The following ROCK1 variants were observed in gnomAD, a reference collection of about 807,000 sequenced individuals.
The protein encoded by ROCK1 is Rho associated coiled-coil containing protein kinase 1, also known as rho-associated protein kinase 1.
In ROCK1, 36 loss-of-function variants were observed where a neutral mutation model predicts 196.8. That is an observed-to-expected ratio of 0.18 (90% CI 0.14 to 0.24). The LOEUF is 0.24. Among genes scored for constraint, ROCK1 ranks in the 10% least tolerant of loss-of-function variants. The pLI is 1.00. For missense variants in ROCK1, 920 were observed against 1,562.0 expected (o/e 0.59, Z 6.93); for synonymous variants, 443 against 515.9 (o/e 0.86, Z 1.91).
At chr18:21,087,753 A>T (rs1457230716) in intron 1 of ROCK1, among the ~76,000 whole-genome samples, 2 of 152,238 alleles carry the variant, frequency 1.3e-5, no homozygotes, top group Admixed American at 1.3e-4. Flanking sequence ...TTCTCTCTTA[A>T]AAATTGATAG....
intron 1 of ROCK1, among the ~76,000 whole-genome samples, chr18:21,074,806 T>A (rs2036415355): frequency 6.6e-6 from 1 of 152,170 alleles, no homozygotes; most frequent in Non-Finnish European, 1.5e-5. Context: ...ATACAGGATA[T>A]CAAGTGTTAT....
intron 2 of ROCK1, among the ~76,000 whole-genome samples, chr18:21,057,125 G>A (rs904921903): frequency 1.3e-5 from 2 of 152,148 alleles, no homozygotes; most frequent in African/African-American, 4.8e-5. Context: ...TCACAAATCT[G>A]GTAAGTCTTC....
rs2036703708 is a variant in ROCK1, at chr18:21,106,395, T to C, written c.93+4423A>G. Among the ~76,000 whole-genome samples the C allele has an allele frequency of 3.9e-5, 6 of 152,188 alleles. No individual in the cohort carries two copies. In the South Asian group the frequency reaches 1.2e-3, roughly 32 times the overall value. ...TCGGCTCACTGCAACCTCCCCGTCC[T>C]AGGCTCAAGCAATTCTCTGGCCTCA... On this transcript the variant is annotated intron_variant, in intron 1 of 32. Coordinates refer to ENST00000399799, the MANE Select transcript of ROCK1 (RefSeq NM_005406.3).
intron 13 of ROCK1, among the ~76,000 whole-genome samples, chr18:21,013,184 C>T (rs1241322552): frequency 6.6e-6 from 1 of 152,154 alleles, no homozygotes; most frequent in Admixed American, 6.5e-5. Flanking sequence ...GCTATTCAAA[C>T]CTGGACATCA....
intron 27 of ROCK1, among the ~76,000 whole-genome samples, chr18:20,961,951 T>G (rs1411461089): frequency 6.6e-6 from 1 of 151,756 alleles, no homozygotes; most frequent in Non-Finnish European, 1.5e-5. Context: ...ATTTAGTTCA[T>G]GAAGTAATTA....
intron 13 of ROCK1, among the ~76,000 whole-genome samples, 188 bp from the exon 14 acceptor site, chr18:21,008,382 C>T (rs1353457657): frequency 6.6e-6 from 1 of 152,140 alleles, no homozygotes; most frequent in African/African-American, 2.4e-5. Flanking sequence ...TTTAAGAAGA[C>T]AGTGGGAATC....
At chr18:21,098,751 G>A (rs184976988) in intron 1 of ROCK1, among the ~76,000 whole-genome samples, 9 of 151,714 alleles carry the variant, frequency 5.9e-5, no homozygotes, top group East Asian at 1.9e-4. Flanking sequence ...AAATATGGAC[G>A]GGCAGATCAC....
chr18:21,103,244 A>G (rs368503551), intron 1 of ROCK1, among the ~76,000 whole-genome samples: 8 of 152,194 alleles, frequency 5.3e-5, no homozygotes, highest in African/African-American at 1.9e-4. Context: ...CACAAATTCA[A>G]AAAATAATGG....
At chr18:21,065,947 G>C (rs1407907001) in intron 2 of ROCK1, among the ~76,000 whole-genome samples, 1 of 151,952 alleles carries the variant, frequency 6.6e-6, no homozygotes, top group East Asian at 1.9e-4. Flanking sequence ...TATATTTGAG[G>C]CTTAATTTAA....
At chr18:21,085,441 G>A (rs1324753377) in intron 1 of ROCK1, among the ~76,000 whole-genome samples, 1 of 151,474 alleles carries the variant, frequency 6.6e-6, no homozygotes, top group East Asian at 1.9e-4. Flanking sequence ...TAGAGGAGAA[G>A]GTGCACATAC....
intron 2 of ROCK1, among the ~76,000 whole-genome samples, chr18:21,051,202 C>T (rs1221032805): frequency 6.6e-6 from 1 of 152,138 alleles, no homozygotes; most frequent in African/African-American, 2.4e-5. Context: ...AATCCCAAAA[C>T]TTTGGGAAGC....
chr18:21,058,656 C>T (rs1265809959), intron 2 of ROCK1, among the ~76,000 whole-genome samples: 1 of 152,174 alleles, frequency 6.6e-6, no homozygotes, highest in Non-Finnish European at 1.5e-5. Context: ...TCTCAGCTCA[C>T]TGCAACCTCC....
intron 13 of ROCK1, among the ~76,000 whole-genome samples, chr18:21,010,714 G>A (rs983756376): frequency 6.6e-6 from 1 of 152,180 alleles, no homozygotes; most frequent in African/African-American, 2.4e-5. Context: ...TGTAAATGTT[G>A]AACAAATTCT....
At chr18:21,040,076 A>C (rs2036092186) in intron 8 of ROCK1, among the ~76,000 whole-genome samples, 1 of 152,220 alleles carries the variant, frequency 6.6e-6, no homozygotes, top group South Asian at 2.1e-4. Flanking sequence ...AGAAAACTAA[A>C]GAATAACTAC....
intron 29 of ROCK1, among the ~76,000 whole-genome samples, chr18:20,956,865 A>C (rs1179592524): frequency 6.6e-6 from 1 of 152,236 alleles, no homozygotes; most frequent in Non-Finnish European, 1.5e-5. Context: ...AAAACGGGCA[A>C]AAGACTTGAA....
At chr18:20,952,903 C>T (rs1220063026) in intron 32 of ROCK1, among the ~76,000 whole-genome samples, 1 of 151,954 alleles carries the variant, frequency 6.6e-6, no homozygotes, top group African/African-American at 2.4e-5. Context: ...GGTTCTCACT[C>T]GTAAGTGGGA....
chr18:20,970,227 G>A, intron 23 of ROCK1, 121 bp downstream of exon 23: 1 of 648,990 alleles, frequency 1.5e-6, no homozygotes, highest in South Asian at 2.3e-5. Context: ...AGTACAGAAT[G>A]ACCACTATGT....
chr18:21,023,748 A>G (rs1261593586), intron 10 of ROCK1, 68 bp from the exon 11 acceptor site: 2 of 772,904 alleles, frequency 2.6e-6, no homozygotes, highest in African/African-American at 3.6e-5. Flanking sequence ...GACAACCAAT[A>G]ATAAATACTA....
chr18:21,100,563 T>C (rs2036650537), intron 1 of ROCK1, among the ~76,000 whole-genome samples: 1 of 151,474 alleles, frequency 6.6e-6, no homozygotes, highest in Non-Finnish European at 1.5e-5. Context: ...TTTTTAAATG[T>C]GTTTATAATG....
Sources: allele counts gnomAD v4.1 joint callset (sites outside exome capture counted in the v4.1 genomes callset), GRCh38; gene constraint gnomAD v4.1.1; transcripts MANE v1.5; gene names NCBI Gene and HGNC (gene_info 2026-07-23, HGNC 2026-07-21).